The following XPR1 variants were observed in gnomAD, a reference collection of about 807,000 sequenced individuals.
The protein encoded by XPR1 is solute carrier family 53 member 1.
XPR1 carries 28 observed loss-of-function variants against 87.5 expected under a neutral mutation model. That is an observed-to-expected ratio of 0.32 (90% CI 0.24 to 0.44). XPR1 has a LOEUF of 0.44. XPR1 is among the 20% of genes least tolerant of loss of function. XPR1 has a pLI of 1.00. For missense variants in XPR1, 559 were observed against 862.3 expected (o/e 0.65, Z 4.41); for synonymous variants, 300 against 306.1 (o/e 0.98, Z 0.21).
At chr1:180,727,567 C>G (rs996340607) in intron 2 of XPR1, among the ~76,000 whole-genome samples, 1 of 152,076 alleles carries the variant, frequency 6.6e-6, no homozygotes, top group Non-Finnish European at 1.5e-5. Context: ...TCACTTGAAC[C>G]CAGGAGGCAG....
chr1:180,667,287 A>G (rs1409169153), intron 1 of XPR1, among the ~76,000 whole-genome samples: 2 of 152,086 alleles, frequency 1.3e-5, no homozygotes, highest in Non-Finnish European at 2.9e-5. Context: ...TTCTATACCT[A>G]GTCTTTTGAA....
intron 1 of XPR1, among the ~76,000 whole-genome samples, chr1:180,649,644 A>G (rs969430159): frequency 1.3e-5 from 2 of 152,096 alleles, no homozygotes; most frequent in Admixed American, 6.5e-5. Flanking sequence ...ACATATTCCT[A>G]GTTGTGGGTG....
chr1:180,664,989 T>A (rs1557946532), intron 1 of XPR1, among the ~76,000 whole-genome samples: 1 of 152,356 alleles, frequency 6.6e-6, no homozygotes. Flanking sequence ...GCAGTAATGC[T>A]CACTTGCCCA....
chr1:180,859,357 T>C (rs1650280337), intron 11 of XPR1, among the ~76,000 whole-genome samples: 1 of 152,192 alleles, frequency 6.6e-6, no homozygotes, highest in Admixed American at 6.5e-5. Flanking sequence ...CCAATATGAA[T>C]TATGCTGCGA....
chr1:180,659,353 G>GTCCT (rs1188627055), intron 1 of XPR1, among the ~76,000 whole-genome samples: 15 of 62,226 alleles, frequency 2.4e-4, no homozygotes, highest in Non-Finnish European at 4.1e-4. Flanking sequence ...CCTTCCTTCC[G>GTCCT]TCCTTCCGTC....
chr1:180,743,669 G>C (rs1243097411), intron 2 of XPR1, among the ~76,000 whole-genome samples: 4 of 151,978 alleles, frequency 2.6e-5, no homozygotes, highest in Admixed American at 2.6e-4. Flanking sequence ...AATTTTTTTA[G>C]AGTAGTCTAC....
intron 1 of XPR1, among the ~76,000 whole-genome samples, chr1:180,643,408 T>C (rs1358973196): frequency 2.0e-5 from 3 of 152,184 alleles, no homozygotes; most frequent in South Asian, 2.1e-4. Flanking sequence ...TATGTTGTTA[T>C]TAGTGGCGTT....
chr1:180,803,638 G>T, intron 4 of XPR1, 27 bp downstream of exon 4: 1 of 1,580,782 alleles, frequency 6.3e-7, no homozygotes, highest in South Asian at 1.1e-5. Context: ...CCTAGAAAAT[G>T]GCACCTTTAA....
At chr1:180,698,898 G>T (rs1657256375) in intron 2 of XPR1, among the ~76,000 whole-genome samples, 1 of 152,014 alleles carries the variant, frequency 6.6e-6, no homozygotes, top group Non-Finnish European at 1.5e-5. Flanking sequence ...GTAATTACTT[G>T]ATACGTGACT....
At chr1:180,857,398 C>T (rs1461562456) in intron 11 of XPR1, among the ~76,000 whole-genome samples, 4 of 152,140 alleles carry the variant, frequency 2.6e-5, no homozygotes, top group Non-Finnish European at 5.9e-5. Context: ...GGAAATTTGT[C>T]TGACCATTAG....
intron 3 of XPR1, among the ~76,000 whole-genome samples, chr1:180,797,924 G>A (rs578014243): frequency 7.2e-5 from 11 of 152,230 alleles, no homozygotes; most frequent in Middle Eastern, 6.8e-3. Context: ...GAACCAAGAA[G>A]TTCTATACTG....
At chr1:180,798,997 T>C (rs1649686800) in intron 3 of XPR1, among the ~76,000 whole-genome samples, 1 of 152,180 alleles carries the variant, frequency 6.6e-6, no homozygotes, top group Non-Finnish European at 1.5e-5. Flanking sequence ...CAGAGCTTGT[T>C]GCTCCTATTA....
chr1:180,696,611 G>T (rs1365071833), intron 2 of XPR1, among the ~76,000 whole-genome samples: 1 of 152,134 alleles, frequency 6.6e-6, no homozygotes, highest in Non-Finnish European at 1.5e-5. Flanking sequence ...TCAGTATGAT[G>T]TTGGCTGTGG....
intron 2 of XPR1, among the ~76,000 whole-genome samples, chr1:180,723,813 C>T (rs779883223): frequency 2.6e-5 from 4 of 152,098 alleles, no homozygotes; most frequent in Non-Finnish European, 5.9e-5. Flanking sequence ...ACATCATTTA[C>T]CAGGAGAAGC....
intron 1 of XPR1, among the ~76,000 whole-genome samples, chr1:180,664,980 C>T (rs185958488): frequency 3.3e-5 from 5 of 152,312 alleles, no homozygotes; most frequent in African/African-American, 1.2e-4. Context: ...GGAGCTCAGG[C>T]AGTAATGCTC....
At chr1:180,771,617 G>C (rs1216591319) in intron 2 of XPR1, among the ~76,000 whole-genome samples, 2 of 152,116 alleles carry the variant, frequency 1.3e-5, no homozygotes, top group African/African-American at 4.8e-5. Flanking sequence ...TTCACTCTGT[G>C]ACACTTCCTT....
intron 7 of XPR1, among the ~76,000 whole-genome samples, chr1:180,822,483 CT>C (rs1303674585): frequency 2.0e-5 from 3 of 152,164 alleles, no homozygotes; most frequent in Non-Finnish European, 4.4e-5. Context: ...CTTCAAACCC[CT>C]TATCTGACTT....
Position 180,849,037 on chromosome 1 carries a change from A to G in XPR1, c.1501+12321A>G, listed in dbSNP as rs148037283. ...TACTTCCTAAGTATAGCAAAATACT[A>G]TACACACATGTGCGTATAATATGTC... is the stretch of plus-strand genomic sequence containing the variant. On this transcript the variant is annotated intron_variant, in intron 11 of 14. Coordinates refer to ENST00000367590, the MANE Select transcript of XPR1 (RefSeq NM_004736.4). Among the ~76,000 whole-genome samples, 485 of 152,318 alleles carry G rather than the reference A, an allele frequency of 3.2e-3. 3 individuals are homozygous for G. Among genetic ancestry groups the G allele is most frequent in the African/African-American group, 0.011 (458 of 41,582 alleles).
chr1:180,640,312 A>T (rs771010072), intron 1 of XPR1, among the ~76,000 whole-genome samples: 3 of 152,206 alleles, frequency 2.0e-5, no homozygotes, highest in Non-Finnish European at 4.4e-5. Flanking sequence ...CGCTTACTGT[A>T]TCAGGCACTG....
Sources: gnomAD v4.1 joint callset for allele counts (sites outside exome capture counted in the v4.1 genomes callset) on GRCh38, gnomAD v4.1.1 for gene constraint, MANE v1.5 for transcripts, NCBI Gene and HGNC (gene_info 2026-07-23, HGNC 2026-07-21) for gene names.